The following STARD9 variants were observed in gnomAD, a reference collection of about 807,000 sequenced individuals.
STARD9 encodes stAR-related lipid transfer protein 9.
A neutral mutation model predicts 399.8 loss-of-function variants in STARD9; 346 were observed. The ratio of observed to expected loss-of-function variants is 0.87; its 90% CI spans 0.79 to 0.95. The LOEUF is 0.95. STARD9 is among the 40% of genes least tolerant of loss of function. The pLI is 0.00. For synonymous variants in STARD9, 2,203 were observed against 2,143.5 expected, an observed-to-expected ratio of 1.03 and a Z score of -0.77; for missense variants, 5,832 against 5,667.5, an observed-to-expected ratio of 1.03 and a Z score of -0.93.
chr15:42,626,324 C>CTCCGCTTCCTCTTCT (rs2059213618), intron 3 of STARD9, among the ~76,000 whole-genome samples: 1 of 126,926 alleles, frequency 7.9e-6, no homozygotes, highest in African/African-American at 3.7e-5. Flanking sequence ...CCTCTTCTTC[C>CTCCGCTTCCTCTTCT]TCCTCTTCCT....
intron 7 of STARD9, among the ~76,000 whole-genome samples, chr15:42,650,617 G>T (rs1340560650): frequency 6.6e-6 from 1 of 152,186 alleles, no homozygotes; most frequent in Non-Finnish European, 1.5e-5. Flanking sequence ...TGAGTGTACT[G>T]TGTATTTTGT....
chr15:42,631,700 T>A (rs1214971525), intron 3 of STARD9, among the ~76,000 whole-genome samples: 1 of 152,202 alleles, frequency 6.6e-6, no homozygotes, highest in African/African-American at 2.4e-5. Flanking sequence ...CCTCTTGTTA[T>A]TGATTTCTAA....
chr15:42,681,739 CT>C, intron 21 of STARD9, 127 bp downstream of exon 21: 1 of 890,448 alleles, frequency 1.1e-6, no homozygotes, highest in African/African-American at 1.7e-5. Flanking sequence ...ATTAGGTGTT[CT>C]CTTTTCTTTT....
In STARD9 at chr15:42,687,289, C is replaced by T. The variant is rs1055127964; in HGVS notation, c.5711C>T (p.Ser1904Phe). Residue 1904 changes from serine to phenylalanine, a missense_variant, in exon 23 of 33, where the codon TCT becomes TTT. Coordinates refer to ENST00000290607, the MANE Select transcript of STARD9 (RefSeq NM_020759.3). ...GGTGCTTCCTCAGACAGCACTGAGTCTGGGAAGTCTCTCCTCTTTCGTGAA... is the reference window on the plus strand; with the variant it reads ...GGTGCTTCCTCAGACAGCACTGAGTTTGGGAAGTCTCTCCTCTTTCGTGAA... ...CCGASSDSTE[S>F]GKSLLFRESE... The T allele has an allele frequency of 1.5e-5, 23 of 1,536,716 alleles. No homozygotes were observed. Among genetic ancestry groups the T allele is most frequent in the Non-Finnish European group, 2.0e-5 (23 of 1,146,916 alleles).
chr15:42,580,814 C>T (rs1388225396), intron 1 of STARD9, among the ~76,000 whole-genome samples: 1 of 151,816 alleles, frequency 6.6e-6, no homozygotes, highest in Non-Finnish European at 1.5e-5. Context: ...AAGACTTTGT[C>T]TAAAAAAAAA....
intron 3 of STARD9, among the ~76,000 whole-genome samples, chr15:42,606,093 A>C (rs567128905): frequency 6.6e-6 from 1 of 152,302 alleles, no homozygotes; most frequent in South Asian, 2.1e-4. Flanking sequence ...AAGGGAGAAA[A>C]GAAAATAGCA....
intron 7 of STARD9, among the ~76,000 whole-genome samples, chr15:42,646,576 G>A (rs1334925674): frequency 6.6e-6 from 1 of 152,190 alleles, no homozygotes; most frequent in Non-Finnish European, 1.5e-5. Flanking sequence ...AGGGAATCAG[G>A]GCTTTGCTCT....
intron 9 of STARD9, among the ~76,000 whole-genome samples, chr15:42,656,061 A>G (rs2059862075): frequency 6.6e-6 from 1 of 152,128 alleles, no homozygotes; most frequent in African/African-American, 2.4e-5. Flanking sequence ...CCATAATAAA[A>G]AAATCCAAAA....
In STARD9 at chr15:42,663,829, C is replaced by G. The variant is rs2060036614; in HGVS notation, c.1088C>G (p.Pro363Arg). The G allele has an allele frequency of 6.5e-7, 1 of 1,536,190 alleles. No individual in the cohort carries two copies. The highest frequency in any genetic ancestry group is 1.4e-5 in the African/African-American group (1 of 73,028). ...SKTIMVATVS[P>R]AHTSYSETMS... ...TCTCCTTCTACCTCAGCGGTGTCTCCTGCACACACTAGCTACAGTGAGACC... is the reference window on the plus strand; with the variant it reads ...TCTCCTTCTACCTCAGCGGTGTCTCGTGCACACACTAGCTACAGTGAGACC... The change falls in exon 13 of 33, where the codon CCT (proline) becomes CGT (arginine). Residue 363 changes from proline (P) to arginine (R), a missense_variant. By Grantham distance (103) the Pro-to-Arg change is moderately radical (BLOSUM62 -2). Around this residue, in one of 2 missense-constraint regions of STARD9, gnomAD observed 5,828 missense variants for 5,651.1 expected, o/e 1.03. Transcript: ENST00000290607.
rs189864778 is a variant in STARD9, at chr15:42,709,642, G to A, written c.13285-7035G>A. 1.2e-4 allele frequency among the ~76,000 whole-genome samples: 19 copies of A among 152,276 alleles called. No homozygotes were observed. The East Asian group carries it at 3.1e-3, about 25-fold the overall frequency. On this transcript the variant is annotated intron_variant, in intron 26 of 32. Transcript: ENST00000290607. ...GGGGTTTGCATTGAGCTGAGATGGCGCCACTGCACTCCAGCCTGGGTGACA... is the reference window on the plus strand; with the variant it reads ...GGGGTTTGCATTGAGCTGAGATGGCACCACTGCACTCCAGCCTGGGTGACA...
In STARD9 at chr15:42,684,122, C is replaced by T. The variant is rs764342198; in HGVS notation, c.2544C>T (p.Phe848=). 127 of 1,524,044 alleles carry T rather than the reference C, an allele frequency of 8.3e-5. No homozygotes were observed. Among genetic ancestry groups the T allele is most frequent in the Middle Eastern group, 1.7e-4 (1 of 5,956 alleles). 94.4% of individuals were successfully genotyped at this position (1,524,044 alleles called of 1,614,324 possible). A position where few individuals can be genotyped will look rare whatever the true frequency, so the allele number is the denominator to read the frequency against. ...SKHMPQLHSI[F]LSWDPSTTLP... ...GCTTTCCTTGTCTTCACAGCATTTTCCTAAGTTGGGATCCCTCTACCACAT... is the reference window on the plus strand; with the variant it reads ...GCTTTCCTTGTCTTCACAGCATTTTTCTAAGTTGGGATCCCTCTACCACAT... Residue 848 remains phenylalanine, a synonymous_variant, in exon 23 of 33, where the codon TTC becomes TTT. Transcript: ENST00000290607.
chr15:42,581,540 G>C (rs1449365697), intron 1 of STARD9: 7 of 1,247,962 alleles, frequency 5.6e-6, no homozygotes, highest in Non-Finnish European at 8.0e-6. Flanking sequence ...GGCGGCGCCG[G>C]GCCGGTCTGC....
intron 20 of STARD9, 108 bp downstream of exon 20, chr15:42,676,083 G>A: frequency 1.2e-6 from 1 of 856,296 alleles, no homozygotes; most frequent in Non-Finnish European, 1.9e-6. Flanking sequence ...AGCAGCCAAG[G>A]TCTGAATGAG....
At chr15:42,654,073 A>G (rs1371781996) in intron 9 of STARD9, among the ~76,000 whole-genome samples, 1 of 152,204 alleles carries the variant, frequency 6.6e-6, no homozygotes, top group Non-Finnish European at 1.5e-5. Context: ...CAAAAATACA[A>G]TTTTAAAAAT....
intron 9 of STARD9, among the ~76,000 whole-genome samples, chr15:42,658,970 A>G (rs2059936300): frequency 1.3e-5 from 2 of 152,060 alleles, no homozygotes; most frequent in African/African-American, 4.8e-5. Flanking sequence ...AAAATTAGCC[A>G]GGCTTGGTGG....
intron 3 of STARD9, among the ~76,000 whole-genome samples, chr15:42,612,857 G>A (rs967591096): frequency 2.6e-5 from 4 of 152,122 alleles, no homozygotes; most frequent in Non-Finnish European, 4.4e-5. Flanking sequence ...GGTTGCACAT[G>A]CCTGTAATCC....
intron 26 of STARD9, among the ~76,000 whole-genome samples, chr15:42,713,498 T>G (rs1279635610): frequency 6.6e-6 from 1 of 152,214 alleles, no homozygotes; most frequent in Non-Finnish European, 1.5e-5. Context: ...GTATCCATCT[T>G]TCACCATTAA....
rs759658377 is a variant in STARD9, at chr15:42,685,805, A to C, written c.4227A>C (p.Ala1409=). Residue 1409 remains alanine, a synonymous_variant, in exon 23 of 33, where the codon GCA becomes GCC. Coordinates refer to ENST00000290607, the MANE Select transcript of STARD9 (RefSeq NM_020759.3). Reference sequence around the variant, plus strand: ...GCAGTACTGAGCTCCTCTGCAGTGCAAGAGATGAGCACACAGCCTCTGCTG... The same window carrying C: ...GCAGTACTGAGCTCCTCTGCAGTGCCAGAGATGAGCACACAGCCTCTGCTG... The part of the protein sequence containing the change: ...HQGSTELLCS[A]RDEHTASAAD... The C allele has an allele frequency of 1.3e-5, 20 of 1,537,124 alleles. No homozygotes were observed. In the Admixed American group the frequency reaches 2.0e-4, roughly 15 times the overall value.
At chr15:42,644,376 C>T (rs2141961702) in intron 7 of STARD9, among the ~76,000 whole-genome samples, 1 of 152,084 alleles carries the variant, frequency 6.6e-6, no homozygotes, top group East Asian at 1.9e-4. Context: ...ACCTGTAGTC[C>T]CAGCTATTCG....
Sources: allele counts gnomAD v4.1 joint callset (sites outside exome capture counted in the v4.1 genomes callset), GRCh38; gene constraint gnomAD v4.1.1; regional missense constraint gnomAD v4.1.1; transcripts MANE v1.5; gene names NCBI Gene and HGNC (gene_info 2026-07-23, HGNC 2026-07-21).